PCCA: variants seen among roughly 807,000 people sequenced by gnomAD.
PCCA encodes propionyl-CoA carboxylase subunit alpha.
A neutral mutation model predicts 101.3 loss-of-function variants in PCCA; 74 were observed. That is an observed-to-expected ratio of 0.73 (90% CI 0.61 to 0.89). PCCA has a LOEUF of 0.89. Among genes scored for constraint, PCCA ranks in the 40% least tolerant of loss-of-function variants. The pLI, the probability that PCCA is intolerant of heterozygous loss-of-function variation, is 0.00. For synonymous variants in PCCA, 294 were observed against 313.6 expected (o/e 0.94, Z 0.66); for missense variants, 891 against 907.0 (o/e 0.98, Z 0.23).
chr13:100,216,202 A>G (rs74113810), intron 7 of PCCA, among the ~76,000 whole-genome samples: 6,088 of 152,136 alleles, frequency 0.04, 424 homozygotes, highest in African/African-American at 0.14. Flanking sequence ...AGGAAGTGGC[A>G]GGACAAGTCA....
intron 22 of PCCA, among the ~76,000 whole-genome samples, chr13:100,527,060 T>C (rs1482742238): frequency 2.0e-5 from 3 of 151,974 alleles, no homozygotes; most frequent in Non-Finnish European, 4.4e-5. Context: ...CTGTTCCCAG[T>C]TCCCCGGGAC....
At chr13:100,346,090 G>A (rs749497959) in intron 18 of PCCA, among the ~76,000 whole-genome samples, 2 of 152,152 alleles carry the variant, frequency 1.3e-5, no homozygotes, top group Non-Finnish European at 2.9e-5. Context: ...TTTCACGCCT[G>A]CTAACACAAC....
intron 11 of PCCA, among the ~76,000 whole-genome samples, chr13:100,272,751 T>G (rs1330092733): frequency 6.6e-6 from 1 of 152,182 alleles, no homozygotes; most frequent in Non-Finnish European, 1.5e-5. Flanking sequence ...CCTTAAGTAT[T>G]GATTTTGGGG....
At chr13:100,421,075 C>T (rs1397999360) in intron 19 of PCCA, among the ~76,000 whole-genome samples, 3 of 152,126 alleles carry the variant, frequency 2.0e-5, no homozygotes, top group Non-Finnish European at 4.4e-5. Context: ...GGCCTGGTGG[C>T]AGGCGCCTGT....
At chr13:100,348,985 C>T (rs1228872491) in intron 18 of PCCA, among the ~76,000 whole-genome samples, 4 of 147,150 alleles carry the variant, frequency 2.7e-5, no homozygotes, top group Non-Finnish European at 4.5e-5. Context: ...CTCTCTCATC[C>T]GGGCTGGAGT....
chr13:100,300,875 T>C (rs1358815056), intron 12 of PCCA, among the ~76,000 whole-genome samples: 4 of 152,240 alleles, frequency 2.6e-5, no homozygotes, highest in Admixed American at 2.0e-4. Flanking sequence ...ACTGGCTCTG[T>C]TTTGCAATTG....
chr13:100,421,826 A>G (rs1266854524), intron 19 of PCCA, among the ~76,000 whole-genome samples: 1 of 152,020 alleles, frequency 6.6e-6, no homozygotes, highest in Admixed American at 6.6e-5. Context: ...CTGGGACTAC[A>G]GGCACCCACT....
intron 8 of PCCA, among the ~76,000 whole-genome samples, chr13:100,239,994 GTCAGTTCA>G (rs2061022622): frequency 6.6e-6 from 1 of 151,968 alleles, no homozygotes. Flanking sequence ...AATAGGCATT[GTCAGTTCA>G]TCTTATATAC....
intron 19 of PCCA, among the ~76,000 whole-genome samples, chr13:100,422,064 CTTTT>C (rs1567108784): frequency 2.3e-5 from 1 of 43,752 alleles, no homozygotes; most frequent in South Asian, 1.1e-3. Flanking sequence ...TTTCTCTTCT[CTTTT>C]CTTTTCTTTC....
intron 4 of PCCA, among the ~76,000 whole-genome samples, chr13:100,120,257 C>T (rs753630220): frequency 9.3e-5 from 14 of 150,134 alleles, no homozygotes; most frequent in Non-Finnish European, 1.3e-4. Context: ...TAGCAAACTA[C>T]AGCCATGAAC....
intron 4 of PCCA, among the ~76,000 whole-genome samples, chr13:100,145,485 C>T (rs1439320570): frequency 1.3e-5 from 2 of 152,188 alleles, no homozygotes; most frequent in Non-Finnish European, 1.5e-5. Flanking sequence ...TGCATATTCA[C>T]CTGTTAAGTG....
At chr13:100,265,570 G>T (rs1233189118) in intron 10 of PCCA, among the ~76,000 whole-genome samples, 1 of 151,734 alleles carries the variant, frequency 6.6e-6, no homozygotes, top group South Asian at 2.1e-4. Context: ...GGACACCTAC[G>T]CCTACACCCA....
chr13:100,301,118 C>T (rs2066027473), intron 12 of PCCA, among the ~76,000 whole-genome samples: 1 of 152,128 alleles, frequency 6.6e-6, no homozygotes, highest in African/African-American at 2.4e-5. Flanking sequence ...TGATTATCGG[C>T]CACATTGAAG....
intron 22 of PCCA, among the ~76,000 whole-genome samples, chr13:100,526,722 T>G (rs1477639218): frequency 2.0e-5 from 3 of 152,222 alleles, no homozygotes; most frequent in Middle Eastern, 3.2e-3. Flanking sequence ...CCTGGCCGGC[T>G]CAGGACGCTG....
chr13:100,230,002 A>C (rs1181687805), intron 7 of PCCA, among the ~76,000 whole-genome samples: 2 of 152,154 alleles, frequency 1.3e-5, no homozygotes, highest in African/African-American at 4.8e-5. Context: ...CATTTGTGAG[A>C]TTGTGTCTTA....
At chr13:100,276,145 G>A (rs1319267377) in intron 12 of PCCA, among the ~76,000 whole-genome samples, 1 of 150,190 alleles carries the variant, frequency 6.7e-6, no homozygotes, top group Non-Finnish European at 1.5e-5. Flanking sequence ...GGAGGCTGAG[G>A]TGGGAGGATC....
chr13:100,111,711 G>A (rs1461647584), intron 2 of PCCA, 130 bp from the exon 3 acceptor site: 1 of 655,158 alleles, frequency 1.5e-6, no homozygotes, highest in Non-Finnish European at 2.7e-6. Flanking sequence ...AGTATTTAAT[G>A]TTACTCTAGG....
intron 2 of PCCA, among the ~76,000 whole-genome samples, chr13:100,103,915 C>CGTGA (rs2047518465): frequency 6.6e-6 from 1 of 152,164 alleles, no homozygotes; most frequent in African/African-American, 2.4e-5. Context: ...GGATTACAGG[C>CGTGA]GTGAGCCACT....
At chr13:100,458,738 A>C (rs1271186627) in intron 21 of PCCA, among the ~76,000 whole-genome samples, 1 of 152,216 alleles carries the variant, frequency 6.6e-6, no homozygotes, top group Non-Finnish European at 1.5e-5. Flanking sequence ...TGGGACATTC[A>C]GATAAAATTT....
Sources: gnomAD v4.1 joint callset for allele counts (sites outside exome capture counted in the v4.1 genomes callset) on GRCh38, gnomAD v4.1.1 for gene constraint, MANE v1.5 for transcripts, NCBI Gene and HGNC (gene_info 2026-07-23, HGNC 2026-07-21) for gene names.